HLCS: variants seen among roughly 807,000 people sequenced by gnomAD.
The protein encoded by HLCS is biotin--protein ligase.
A neutral mutation model predicts 75.0 loss-of-function variants in HLCS; 53 were observed. That is an observed-to-expected ratio of 0.71 (90% confidence interval 0.57 to 0.89). The LOEUF (loss-of-function observed/expected upper bound fraction) is 0.89. Ranked by LOEUF, HLCS falls within the 40% of genes least tolerant of loss-of-function variation. The pLI is 0.00. For synonymous variants in HLCS, 431 were observed against 428.6 expected (o/e 1.01, Z -0.07); for missense variants, 966 against 1,074.0 (o/e 0.90, Z 1.41).
chr21:36,858,706 G>A (rs970152304), intron 6 of HLCS, among the ~76,000 whole-genome samples: 1 of 152,212 alleles, frequency 6.6e-6, no homozygotes, highest in Non-Finnish European at 1.5e-5. Flanking sequence ...GCTGTTGTCA[G>A]GCTGGGAGGG....
intron 6 of HLCS, among the ~76,000 whole-genome samples, chr21:36,805,725 G>A (rs559259622): frequency 1.3e-5 from 2 of 152,272 alleles, no homozygotes; most frequent in African/African-American, 4.8e-5. Flanking sequence ...CTTTTACTAT[G>A]ACTTAATTCT....
At position 36,790,264 on chromosome 21, in the gene HLCS, T is replaced by C. The variant is rs563192410; in HGVS notation, c.1893-22979A>G. Reference sequence around the variant, plus strand: ...ACTAAAAATACAAAAATTAGCTGGGTGTGGTGGGGTGCACCTGTAATCCCA... The same window carrying C: ...ACTAAAAATACAAAAATTAGCTGGGCGTGGTGGGGTGCACCTGTAATCCCA... On this transcript the variant is annotated intron_variant, in intron 6 of 10. Transcript: ENST00000674895. 3.3e-5 allele frequency among the ~76,000 whole-genome samples: 5 copies of C among 151,964 alleles called. No individual in the cohort carries two copies. In the South Asian group the frequency reaches 8.3e-4, roughly 25 times the overall value.
chr21:36,803,887 A>G (rs555773691), intron 6 of HLCS: 1 of 152,268 alleles, frequency 6.6e-6, no homozygotes, highest in South Asian at 2.1e-4. Context: ...ACGTCTGTGC[A>G]CACACACATA....
intron 5 of HLCS, among the ~76,000 whole-genome samples, chr21:36,915,133 T>TG (rs1405241648): frequency 6.6e-6 from 1 of 152,242 alleles, no homozygotes; most frequent in African/African-American, 2.4e-5. Context: ...GGGCTTCTTG[T>TG]GGGGGCAGGG....
chr21:36,820,413 G>A (rs2061800925), intron 6 of HLCS, among the ~76,000 whole-genome samples: 1 of 152,234 alleles, frequency 6.6e-6, no homozygotes, highest in Non-Finnish European at 1.5e-5. Flanking sequence ...AGAGGCCCCA[G>A]GAAGCCCCCC....
chr21:36,946,255 TA>T (rs1258142495), intron 2 of HLCS: 2 of 194,658 alleles, frequency 1.0e-5, no homozygotes, highest in East Asian at 3.7e-4. Context: ...TTTTTATTTT[TA>T]TTTTTTTTGA....
At chr21:36,767,753 C>T (rs1043316654) in intron 6 of HLCS, among the ~76,000 whole-genome samples, 2 of 152,102 alleles carry the variant, frequency 1.3e-5, no homozygotes, top group Non-Finnish European at 2.9e-5. Flanking sequence ...ATTCAGAAAA[C>T]CAATATGGTG....
At chr21:36,935,313 A>C (rs773608537) in intron 4 of HLCS, among the ~76,000 whole-genome samples, 4 of 152,188 alleles carry the variant, frequency 2.6e-5, no homozygotes, top group Non-Finnish European at 1.5e-5. Context: ...CATCTGTCCT[A>C]ATGTCCAAAT....
chr21:36,925,084 T>TG (rs1569200231), intron 5 of HLCS, among the ~76,000 whole-genome samples: 1 of 152,164 alleles, frequency 6.6e-6, no homozygotes, highest in Non-Finnish European at 1.5e-5. Context: ...CTGCTTTTTA[T>TG]GGGGGGAAAA....
intron 6 of HLCS, among the ~76,000 whole-genome samples, chr21:36,861,165 T>C (rs1205164864): frequency 6.6e-6 from 1 of 152,090 alleles, no homozygotes; most frequent in Non-Finnish European, 1.5e-5. Context: ...ATAACCTACC[T>C]TTTAGCACAG....
intron 5 of HLCS, among the ~76,000 whole-genome samples, chr21:36,905,981 C>CAGAGGT (rs1370651297): frequency 1.4e-5 from 2 of 141,630 alleles, no homozygotes; most frequent in African/African-American, 5.4e-5. Flanking sequence ...ACCTGGGAGG[C>CAGAGGT]AGAGGTTGCA....
At chr21:36,897,379 T>C (rs2065057197) in intron 5 of HLCS, among the ~76,000 whole-genome samples, 1 of 152,224 alleles carries the variant, frequency 6.6e-6, no homozygotes, top group Admixed American at 6.5e-5. Flanking sequence ...TTCATGATTA[T>C]ACTTCCTATC....
At chr21:36,845,293 T>C (rs1230391802) in intron 6 of HLCS, among the ~76,000 whole-genome samples, 1 of 152,120 alleles carries the variant, frequency 6.6e-6, no homozygotes, top group Admixed American at 6.5e-5. Flanking sequence ...GAATCCCGAA[T>C]ACTGGGCTTC....
In HLCS at chr21:36,755,241, T is replaced by A. The variant is rs74542983; in HGVS notation, c.2451-824A>T. Among the ~76,000 whole-genome samples, 206 of 151,518 alleles carry A rather than the reference T, an allele frequency of 1.4e-3. 1 individual carries two copies. The highest frequency in any genetic ancestry group is 0.01 in the South Asian group (50 of 4,788). The stretch of plus-strand genomic sequence containing the variant: ...GTGAGACCCTGCCTCTACAAAAAAA[T>A]TTTTTTTTAAATTAGCGGGCCGTGT... On this transcript the variant is annotated intron_variant, in intron 10 of 10. Transcript: ENST00000674895.
intron 10 of HLCS, among the ~76,000 whole-genome samples, chr21:36,755,992 G>A (rs1046131922): frequency 5.3e-5 from 8 of 152,214 alleles, no homozygotes; most frequent in South Asian, 4.2e-4. Flanking sequence ...TCACTATTTC[G>A]GTTCTTCCCA....
chr21:36,770,382 A>G (rs2060168484), intron 6 of HLCS, among the ~76,000 whole-genome samples: 3 of 151,990 alleles, frequency 2.0e-5, no homozygotes. Flanking sequence ...CCTGGCCTCA[A>G]GCGATCCTCC....
At chr21:36,905,092 C>A (rs889250112) in intron 5 of HLCS, among the ~76,000 whole-genome samples, 1 of 152,184 alleles carries the variant, frequency 6.6e-6, no homozygotes, top group Non-Finnish European at 1.5e-5. Flanking sequence ...GCACTTATCA[C>A]GACTATACAT....
chr21:36,908,561 T>C (rs1015725203), intron 5 of HLCS, among the ~76,000 whole-genome samples: 1 of 152,172 alleles, frequency 6.6e-6, no homozygotes, highest in Non-Finnish European at 1.5e-5. Flanking sequence ...CGAGAAATTC[T>C]ACTCCTAGGT....
At position 36,751,050 on chromosome 21, in the gene HLCS, T is replaced by C. The variant is rs2089348347; in HGVS notation, c.*3196A>G. 1 of 152,306 alleles carries C rather than the reference T, an allele frequency of 6.6e-6. No individual in the cohort carries two copies. Among genetic ancestry groups the C allele is most frequent in the African/African-American group, 2.4e-5 (1 of 41,418 alleles). 9.4% of individuals were successfully genotyped at this position (152,306 alleles called of 1,614,324 possible). A position where few individuals can be genotyped will look rare whatever the true frequency, so the allele number is the denominator to read the frequency against. ...AAAAAACACTTGGCTTCTTAATACT[T>C]GGAAATACGTACATATTCCTTACTA... On this transcript the variant is annotated 3_prime_UTR_variant, in exon 11 of 11. Coordinates refer to ENST00000674895, the MANE Select transcript of HLCS (RefSeq NM_001352514.2).
Sources: allele counts gnomAD v4.1 joint callset (sites outside exome capture counted in the v4.1 genomes callset), GRCh38; gene constraint gnomAD v4.1.1; transcripts MANE v1.5; gene names NCBI Gene and HGNC (gene_info 2026-07-23, HGNC 2026-07-21).